Variants in GOLGA3 observed in about 807,000 individuals in gnomAD.
GOLGA3 encodes the protein golgin A3.
In GOLGA3, 75 loss-of-function variants were observed where a neutral mutation model predicts 169.4. The ratio of observed to expected loss-of-function variants is 0.44; its 90% confidence interval spans 0.37 to 0.54. GOLGA3 has a LOEUF of 0.54. GOLGA3 is among the 20% of genes least tolerant of loss of function. The pLI is 0.00. For synonymous variants in GOLGA3, 824 were observed against 822.4 expected (o/e 1.00, Z -0.03); for missense variants, 1,899 against 1,930.0 (o/e 0.98, Z 0.30).
chr12:132,788,932 G>A, intron 13 of GOLGA3, 95 bp downstream of exon 13: 1 of 278,010 alleles, frequency 3.6e-6, no homozygotes, highest in Non-Finnish European at 5.6e-6. Context: ...CCCCGCCCCA[G>A]ACACAGGCCC....
rs1349719673 is a variant in GOLGA3, at chr12:132,773,311, A to G, written c.4308-17T>C. Reference sequence around the variant, plus strand: ...ATCTCCTGCCTGGGACAGAAGAAGGAGGAAGAAGGCCCAGATCACACAAGT... The same window carrying G: ...ATCTCCTGCCTGGGACAGAAGAAGGGGGAAGAAGGCCCAGATCACACAAGT... On this transcript the variant is annotated splice_polypyrimidine_tract_variant and intron_variant, in intron 23 of 23. Coordinates refer to ENST00000450791, the MANE Select transcript of GOLGA3 (RefSeq NM_001389683.1). The G allele has an allele frequency of 1.5e-6, 2 of 1,356,254 alleles. No homozygotes were observed. Among genetic ancestry groups the G allele is most frequent in the East Asian group, 5.7e-5 (2 of 34,982 alleles). 84.0% of individuals were successfully genotyped at this position (1,356,254 alleles called of 1,614,324 possible).
intron 16 of GOLGA3, among the ~76,000 whole-genome samples, chr12:132,782,739 C>T (rs566906326): frequency 9.9e-5 from 15 of 152,050 alleles, no homozygotes; most frequent in South Asian, 4.2e-4. Context: ...TAGCCACTAT[C>T]GTGGCACATG....
intron 9 of GOLGA3, among the ~76,000 whole-genome samples, chr12:132,797,286 G>C (rs1054042136): frequency 6.6e-6 from 1 of 152,126 alleles, no homozygotes; most frequent in African/African-American, 2.4e-5. Flanking sequence ...AGAGCTCCCT[G>C]TACAACTGGC....
At chr12:132,774,453 G>A (rs1210840372) in intron 22 of GOLGA3, 133 bp from the exon 23 acceptor site, 29 of 926,008 alleles carry the variant, frequency 3.1e-5, no homozygotes, top group South Asian at 7.6e-5. Context: ...CGTCCTGGCC[G>A]CCGTGGCAGC....
intron 2 of GOLGA3, among the ~76,000 whole-genome samples, chr12:132,821,681 C>T (rs570471216): frequency 6.6e-5 from 10 of 151,532 alleles, no homozygotes; most frequent in Admixed American, 3.9e-4. Context: ...GGTGAAACCC[C>T]GTCTCTACTA....
chr12:132,819,623 A>C (rs937836181), intron 2 of GOLGA3, among the ~76,000 whole-genome samples: 8 of 152,264 alleles, frequency 5.3e-5, no homozygotes, highest in Non-Finnish European at 1.0e-4. Context: ...CCAGAATAAA[A>C]GCAGGGGTGC....
Position 132,782,384 on chromosome 12 carries a change from T to C in GOLGA3, c.3377A>G (p.Gln1126Arg). The C allele has an allele frequency of 6.2e-7, 1 of 1,614,268 alleles. No individual in the cohort carries two copies. The highest frequency in any genetic ancestry group is 8.5e-7 in the Non-Finnish European group (1 of 1,180,036). The change falls in exon 17 of 24, where the codon CAG (glutamine) becomes CGG (arginine). Residue 1126 changes from glutamine to arginine, a missense_variant. Gln to Arg is a conservative substitution (Grantham distance 43). Coordinates refer to ENST00000450791, the MANE Select transcript of GOLGA3 (RefSeq NM_001389683.1). Reference protein sequence around the residue: ...HEKGKLTGLGQSNAALREHNS... With the variant: ...HEKGKLTGLGRSNAALREHNS... ...GTGTTCCCGCAGAGCTGCGTTGGAC[T>C]GACCGAGGCCCGTAAGCTTCCCTTT...
intron 4 of GOLGA3, chr12:132,811,982 C>T (rs1027612249): frequency 3.0e-5 from 3 of 100,258 alleles, no homozygotes; most frequent in African/African-American, 1.3e-4. Context: ...GCCTGGGCAA[C>T]AGAGTGAGAC....
chr12:132,797,222 G>A (rs1948891101), intron 9 of GOLGA3, among the ~76,000 whole-genome samples: 1 of 152,202 alleles, frequency 6.6e-6, no homozygotes, highest in African/African-American at 2.4e-5. Context: ...CCCAGCTAAT[G>A]CCACAGAGAG....
Position 132,777,136 on chromosome 12 carries a change from G to A in GOLGA3, c.3723-46C>T, listed in dbSNP as rs780617058. 1.2e-5 allele frequency: 19 copies of A among 1,550,350 alleles called. No individual in the cohort carries two copies. Among genetic ancestry groups the A allele is most frequent in the Middle Eastern group, 3.5e-4 (2 of 5,732 alleles). ...AGAAGGGAATCGCCACGCTCCTCCA[G>A]TGTGCTGTGCCCTCCCGCTGGGAAA... On this transcript the variant is annotated intron_variant, in intron 19 of 23. Transcript: ENST00000450791. This position sits in a 1 kb window ranked among gnomAD's most constrained non-coding sequence, Gnocchi z 4.7.
intron 23 of GOLGA3, 23 bp from the exon 24 acceptor site, chr12:132,773,317 A>G (rs747991076): frequency 2.5e-5 from 34 of 1,357,564 alleles, no homozygotes; most frequent in South Asian, 1.4e-4. Context: ...AAGGAGGAAG[A>G]AGGCCCAGAT....
intron 1 of GOLGA3, among the ~76,000 whole-genome samples, chr12:132,824,746 T>C (rs1268873634): frequency 1.3e-5 from 2 of 152,138 alleles, no homozygotes; most frequent in African/African-American, 4.8e-5. Context: ...GGGTGATAAA[T>C]GGGCCTTAGA....
At chr12:132,816,028 C>T (rs1949942727) in intron 3 of GOLGA3, among the ~76,000 whole-genome samples, 1 of 152,076 alleles carries the variant, frequency 6.6e-6, no homozygotes, top group Admixed American at 6.6e-5. Context: ...GAAACCCCAT[C>T]TTTGCTAAAA....
At chr12:132,802,292 C>T (rs1232383431) in intron 7 of GOLGA3, among the ~76,000 whole-genome samples, 1 of 152,152 alleles carries the variant, frequency 6.6e-6, no homozygotes, top group African/African-American at 2.4e-5. Flanking sequence ...TTCATTCACA[C>T]CGAGCTCACG....
chr12:132,814,849 G>A (rs1437342860), intron 3 of GOLGA3, among the ~76,000 whole-genome samples: 1 of 152,238 alleles, frequency 6.6e-6, no homozygotes. Context: ...CATTGTAGGT[G>A]ATGAAAGAGT....
chr12:132,813,310 C>A lies in GOLGA3; in HGVS notation c.516G>T (p.Glu172Asp), dbSNP rs754643884. ...LKQYRVKRQQ[E>D]RSSQPATKTR... ...TGTTCGGGAGAGGGAGACTCACCCTCTCCTGCTGGCGCTTCACCCTGTACT... is the reference window on the plus strand; with the variant it reads ...TGTTCGGGAGAGGGAGACTCACCCTATCCTGCTGGCGCTTCACCCTGTACT... The change falls in exon 4 of 24, where the codon GAG becomes GAT. Residue 172 changes from glutamate (E) to aspartate (D), a missense_variant. By Grantham distance (45) the Glu-to-Asp change is conservative (BLOSUM62 2). Coordinates refer to ENST00000450791, the MANE Select transcript of GOLGA3 (RefSeq NM_001389683.1). 1 of 1,605,232 alleles carries A rather than the reference C, an allele frequency of 6.2e-7. No homozygotes were observed. The highest frequency in any genetic ancestry group is 1.1e-5 in the South Asian group (1 of 90,922).
At chr12:132,788,186 A>G (rs965820604) in intron 13 of GOLGA3, among the ~76,000 whole-genome samples, 1 of 152,006 alleles carries the variant, frequency 6.6e-6, no homozygotes, top group African/African-American at 2.4e-5. Context: ...CTTTCCAACA[A>G]TGATGGTGCC....
rs1459536525 is a variant in GOLGA3, at chr12:132,802,413, G to A, written c.1598-444C>T. Among the ~76,000 whole-genome samples, 11 of 152,034 alleles carry A rather than the reference G, an allele frequency of 7.2e-5. No individual in the cohort carries two copies. The East Asian group carries it at 1.7e-3, about 24-fold the overall frequency. ...GGGTGCAGGGGGCACAGGGGTGCAC[G>A]CCCAGGAGATCCAGACCAGCCTGGG... On this transcript the variant is annotated intron_variant, in intron 7 of 23. Coordinates refer to ENST00000450791, the MANE Select transcript of GOLGA3 (RefSeq NM_001389683.1).
intron 23 of GOLGA3, 132 bp from the exon 24 acceptor site, chr12:132,773,426 A>C: frequency 9.5e-6 from 5 of 527,186 alleles, no homozygotes; most frequent in South Asian, 2.7e-5. Flanking sequence ...ACCAACTGAG[A>C]CCACAGAAGC....
Sources: gnomAD v4.1 joint callset for allele counts (sites outside exome capture counted in the v4.1 genomes callset) on GRCh38, gnomAD v4.1.1 for gene constraint, Gnocchi (gnomAD v3.1) non-coding constraint, MANE v1.5 for transcripts, NCBI Gene and HGNC (gene_info 2026-07-23, HGNC 2026-07-21) for gene names.